The following CCNI2 variants were observed in gnomAD, a reference collection of about 807,000 sequenced individuals.
CCNI2 encodes the protein cyclin I family member 2.
A neutral mutation model predicts 33.2 loss-of-function variants in CCNI2; 32 were observed. That is an observed-to-expected ratio of 0.96 (90% confidence interval 0.73 to 1.30). The LOEUF (loss-of-function observed/expected upper bound fraction) is 1.30. Among genes scored for constraint, CCNI2 ranks in the 50% most tolerant of loss-of-function variants. CCNI2 has a pLI of 0.00. For synonymous variants in CCNI2, 231 were observed against 219.9 expected (o/e 1.05, Z -0.45); for missense variants, 452 against 486.2 (o/e 0.93, Z 0.66).
intron 4 of CCNI2, 84 bp from the exon 5 acceptor site, chr5:132,751,882 A>T (rs1056857214): frequency 6.9e-7 from 1 of 1,458,336 alleles, no homozygotes; most frequent in Non-Finnish European, 9.3e-7. Context: ...CCCTGATGGA[A>T]ATTTAAATTG....
chr5:132,753,368 C>G lies in CCNI2; in HGVS notation c.*398C>G. 1 of 204,374 alleles carries G rather than the reference C, an allele frequency of 4.9e-6. No individual in the cohort carries two copies. Among genetic ancestry groups the G allele is most frequent in the Non-Finnish European group, 1.0e-5 (1 of 98,264 alleles). The allele number at this position is 204,374 out of a possible 1,614,324, so 12.7% of individuals were successfully genotyped here. ...CAGGGCTGAAGGGCTGGGGCTAGCT[C>G]TGACCAGTTCTTGCTGCTCTACCTG... On this transcript the variant is annotated 3_prime_UTR_variant, in exon 6 of 6. Transcript: ENST00000378731.
chr5:132,752,151 G>A lies in CCNI2; in HGVS notation c.960G>A (p.Met320Ile), dbSNP rs1754898033. ...VIITLELERL[M>I]PGWCAPISDL... ...TCACCTTAGAGCTGGAGAGGCTCAT[G>A]CCCGGCTGGTGTGCTCCTATATCTG... is the stretch of plus-strand genomic sequence containing the variant. Residue 320 changes from methionine (M) to isoleucine (I), a missense_variant, in exon 5 of 6, where the codon ATG becomes ATA. Physicochemically the swap from Met to Ile is conservative, Grantham distance 10. Transcript: ENST00000378731. 4 of 1,594,274 alleles carry A rather than the reference G, an allele frequency of 2.5e-6. No homozygotes were observed. The East Asian group carries it at 9.0e-5, about 36-fold the overall frequency.
In CCNI2 at chr5:132,750,842, A is replaced by T. The variant is rs780713970; in HGVS notation, c.634-15A>T. 1.2e-6 allele frequency: 2 copies of T among 1,612,132 alleles called. No individual in the cohort carries two copies. Among genetic ancestry groups the T allele is most frequent in the Non-Finnish European group, 1.7e-6 (2 of 1,179,460 alleles). The stretch of plus-strand genomic sequence containing the variant: ...CATGATGTAGGGCTTTGGCCTCTTT[A>T]TTTTCTTTTTACAGTTTATTCCACA... On this transcript the variant is annotated splice_polypyrimidine_tract_variant and intron_variant, in intron 3 of 5. Coordinates refer to ENST00000378731, the MANE Select transcript of CCNI2 (RefSeq NM_001039780.4).
At chr5:132,748,029 TC>T in intron 1 of CCNI2, 105 bp downstream of exon 1, 1 of 1,175,448 alleles carries the variant, frequency 8.5e-7, no homozygotes, top group Non-Finnish European at 1.1e-6. Flanking sequence ...GCCGGGCCCT[TC>T]CCCAGGTGTG....
Position 132,747,858 on chromosome 5 carries a change from G to A in CCNI2, c.363G>A (p.Arg121=), listed in dbSNP as rs1480378413. 3 of 1,469,456 alleles carry A rather than the reference G, an allele frequency of 2.0e-6. No individual in the cohort carries two copies. The highest frequency in any genetic ancestry group is 2.7e-6 in the Non-Finnish European group (3 of 1,117,964). The allele number at this position is 1,469,456 out of a possible 1,614,324, so 91.0% of individuals were successfully genotyped here. The change falls in exon 1 of 6, where the codon CGG becomes CGA. Residue 121 remains arginine, a synonymous_variant. Transcript: ENST00000378731. This position sits in a 1 kb window ranked among gnomAD's most constrained non-coding sequence, Gnocchi z 4.1. ...TGGAAGGCGACCTGGACGAGCGCCG[G>A]CTGCTCTGCCACTTGCAGCTGGCCC... ...RNLEGDLDER[R]LLCHLQLAQD...
chr5:132,752,262 C>T (rs1754910462), intron 5 of CCNI2, 66 bp downstream of exon 5: 1 of 1,492,352 alleles, frequency 6.7e-7, no homozygotes, highest in African/African-American at 1.4e-5. Context: ...CACTCTGACC[C>T]CAAAGGGGTA....
chr5:132,750,209 C>T (rs939540279), intron 3 of CCNI2, among the ~76,000 whole-genome samples: 9 of 152,058 alleles, frequency 5.9e-5, no homozygotes, highest in African/African-American at 2.2e-4. Flanking sequence ...ATCAAGTGAC[C>T]CTTTTTCTGG....
Position 132,753,263 on chromosome 5 carries a change from G to T in CCNI2, c.*293G>T, listed in dbSNP as rs56998927. The T allele has an allele frequency of 0.029, 10,768 of 371,322 alleles. 1,042 individuals are homozygous for T. Among genetic ancestry groups the T allele is most frequent in the African/African-American group, 0.2 (9,881 of 49,720 alleles). 23.0% of individuals were successfully genotyped at this position (371,322 alleles called of 1,614,324 possible). On this transcript the variant is annotated 3_prime_UTR_variant, in exon 6 of 6. Coordinates refer to ENST00000378731, the MANE Select transcript of CCNI2 (RefSeq NM_001039780.4). Reference sequence around the variant, plus strand: ...TGAATGAATGTTCAAATGGCAGCTTGTTTTACCTTCCTTCTCCAGCAAGGG... The same window carrying T: ...TGAATGAATGTTCAAATGGCAGCTTTTTTTACCTTCCTTCTCCAGCAAGGG...
chr5:132,750,348 A>C (rs999873610), intron 3 of CCNI2, among the ~76,000 whole-genome samples: 2 of 152,222 alleles, frequency 1.3e-5, no homozygotes, highest in African/African-American at 4.8e-5. Context: ...TTTTTCCAGA[A>C]CTGAACCACC....
intron 3 of CCNI2, 25 bp downstream of exon 3, chr5:132,749,447 T>C (rs376703311): frequency 2.4e-5 from 38 of 1,586,924 alleles, no homozygotes; most frequent in Non-Finnish European, 3.3e-5. Context: ...AAGTCCACAC[T>C]GGGCTGCACT....
chr5:132,751,944 C>A, intron 4 of CCNI2, 22 bp from the exon 5 acceptor site: 1 of 1,590,186 alleles, frequency 6.3e-7, no homozygotes, highest in Non-Finnish European at 8.6e-7. Context: ...TCTGTTCTAA[C>A]ATTAAAAACC....
At chr5:132,751,929 C>T (rs1045077329) in intron 4 of CCNI2, 37 bp from the exon 5 acceptor site, 10 of 1,564,202 alleles carry the variant, frequency 6.4e-6, no homozygotes, top group Non-Finnish European at 6.9e-6. Context: ...AAAAGTATGG[C>T]GTTTTCTGTT....
chr5:132,752,282 C>CT (rs781436328), intron 5 of CCNI2, 86 bp downstream of exon 5: 4 of 1,379,966 alleles, frequency 2.9e-6, no homozygotes, highest in Non-Finnish European at 3.9e-6. Context: ...ACCCTTTGCC[C>CT]TTGTAGCCTC....
Position 132,754,264 on chromosome 5 carries a change from C to T in CCNI2, c.*1294C>T. On this transcript the variant is annotated 3_prime_UTR_variant, in exon 6 of 6. Coordinates refer to ENST00000378731, the MANE Select transcript of CCNI2 (RefSeq NM_001039780.4). ...CCTAGGTCATATCAAGAACTCTCCT[C>T]TAGTCCAGAACCCATTTTACAGATG... The T allele has an allele frequency of 1.6e-6, 1 of 628,232 alleles. No homozygotes were observed. Among genetic ancestry groups the T allele is most frequent in the South Asian group, 1.9e-5 (1 of 51,756 alleles). The allele number at this position is 628,232 out of a possible 1,614,324, so 38.9% of individuals were successfully genotyped here.
Position 132,749,334 on chromosome 5 carries a change from G to T in CCNI2, c.559-14G>T. 1 of 1,606,076 alleles carries T rather than the reference G, an allele frequency of 6.2e-7. No individual in the cohort carries two copies. The highest frequency in any genetic ancestry group is 1.1e-5 in the South Asian group (1 of 90,940). On this transcript the variant is annotated splice_polypyrimidine_tract_variant and intron_variant, in intron 2 of 5. Transcript: ENST00000378731. ...ATTCATATTCTGCTCAAATGTGTTT[G>T]TTCCATACTGCAGGTAAAAGAGAAA...
chr5:132,748,198 C>T (rs1414732152), intron 1 of CCNI2, 149 bp from the exon 2 acceptor site: 2 of 1,163,328 alleles, frequency 1.7e-6, no homozygotes, highest in Non-Finnish European at 2.4e-6. Context: ...GCCGCTGCGC[C>T]GGGGGGCGCT....
intron 4 of CCNI2, 72 bp downstream of exon 4, chr5:132,751,069 G>A: frequency 6.4e-7 from 1 of 1,565,750 alleles, no homozygotes; most frequent in South Asian, 1.2e-5. Context: ...TTACAACATG[G>A]GATGGCAAAG....
chr5:132,749,546 A>G, intron 3 of CCNI2, 124 bp downstream of exon 3: 1 of 748,358 alleles, frequency 1.3e-6, no homozygotes, highest in East Asian at 2.7e-5. Flanking sequence ...AAAGTCACCA[A>G]CTTGCCGGCA....
intron 5 of CCNI2, among the ~76,000 whole-genome samples, chr5:132,752,627 G>T (rs550710114): frequency 6.6e-6 from 1 of 152,312 alleles, no homozygotes; most frequent in East Asian, 1.9e-4. Context: ...GCACAAGGAG[G>T]AGAGGGGTGT....
Sources: gnomAD v4.1 joint callset for allele counts (sites outside exome capture counted in the v4.1 genomes callset) on GRCh38, gnomAD v4.1.1 for gene constraint, Gnocchi (gnomAD v3.1) non-coding constraint, MANE v1.5 for transcripts, NCBI Gene and HGNC (gene_info 2026-07-23, HGNC 2026-07-21) for gene names.